The following ARHGAP32 variants were observed in gnomAD, a reference collection of about 807,000 sequenced individuals.
The protein encoded by ARHGAP32 is rho GTPase-activating protein 32.
Under a neutral mutation model 186.5 loss-of-function variants are expected in ARHGAP32, and 51 were observed. The observed-to-expected ratio is 0.27, with a 90% CI of 0.22 to 0.35. ARHGAP32 has a LOEUF of 0.35. ARHGAP32 is among the 10% of genes least tolerant of loss of function. ARHGAP32 has a pLI of 1.00. For missense variants in ARHGAP32, 2,186 were observed against 2,623.5 expected (o/e 0.83, Z 3.64); for synonymous variants, 950 against 964.3 (o/e 0.99, Z 0.27).
chr11:128,969,491 C>T lies in ARHGAP32; in HGVS notation c.5722G>A (p.Gly1908Arg). The T allele has an allele frequency of 1.2e-6, 2 of 1,614,164 alleles. No individual in the cohort carries two copies. The highest frequency in any genetic ancestry group is 1.1e-5 in the South Asian group (1 of 91,066). ...CCAGCTCCCTGGGGATAAGGGGGCC[C>T]ATTCTTTGACTCACAGAACTGCCTA... Reference protein sequence around the residue: ...SHRQFCESKNGPPYPQGAGQL... With the variant: ...SHRQFCESKNRPPYPQGAGQL... Residue 1908 changes from glycine to arginine, a missense_variant, in exon 23 of 23, where the codon GGG becomes AGG. By Grantham distance (125) the Gly-to-Arg change is moderately radical (BLOSUM62 -2). Transcript: ENST00000682385. The surrounding 1 kb of genome is among the most constrained non-coding windows in gnomAD (Gnocchi z 4.8).
chr11:129,100,266 T>C (rs1014399626), intron 5 of ARHGAP32, among the ~76,000 whole-genome samples: 4 of 152,208 alleles, frequency 2.6e-5, no homozygotes, highest in African/African-American at 9.6e-5. Flanking sequence ...TGCAAGATGG[T>C]CTTGCCCATC....
At chr11:129,136,266 A>G (rs1942934185) in intron 2 of ARHGAP32, among the ~76,000 whole-genome samples, 1 of 152,218 alleles carries the variant, frequency 6.6e-6, no homozygotes. Flanking sequence ...GTAAGATTCT[A>G]TTACACACAG....
At chr11:129,086,799 C>A (rs536928692) in intron 6 of ARHGAP32, among the ~76,000 whole-genome samples, 19 of 135,746 alleles carry the variant, frequency 1.4e-4, no homozygotes, top group South Asian at 2.3e-4. Context: ...CCAGCCTGGG[C>A]GACAGAGTGA....
chr11:129,125,029 A>C, intron 2 of ARHGAP32, 135 bp from the exon 3 acceptor site: 1 of 550,750 alleles, frequency 1.8e-6, no homozygotes. Flanking sequence ...TAATCTTAAA[A>C]TTACTGAGTT....
chr11:129,055,589 TTAGA>T (rs1940217619), intron 10 of ARHGAP32, among the ~76,000 whole-genome samples: 1 of 152,192 alleles, frequency 6.6e-6, no homozygotes, highest in Admixed American at 6.5e-5. Context: ...ACACTGAATA[TTAGA>T]TAGTGATTCA....
At chr11:129,220,586 TA>T (rs1485067552) in intron 1 of ARHGAP32, among the ~76,000 whole-genome samples, 1 of 152,138 alleles carries the variant, frequency 6.6e-6, no homozygotes, top group Non-Finnish European at 1.5e-5. Flanking sequence ...AATAAACACA[TA>T]CCCTCTGATT....
chr11:128,993,613 T>C (rs1946121719), intron 12 of ARHGAP32, among the ~76,000 whole-genome samples: 1 of 151,896 alleles, frequency 6.6e-6, no homozygotes, highest in African/African-American at 2.4e-5. Context: ...TTTAAAATAG[T>C]CTCTATATAT....
chr11:129,104,153 C>T (rs1941983450), intron 5 of ARHGAP32, among the ~76,000 whole-genome samples: 2 of 151,846 alleles, frequency 1.3e-5, no homozygotes, highest in South Asian at 4.2e-4. Flanking sequence ...TTCCCACCAA[C>T]AAAACCTCAC....
intron 1 of ARHGAP32, among the ~76,000 whole-genome samples, chr11:129,188,782 A>G (rs1944216565): frequency 6.6e-6 from 1 of 152,202 alleles, no homozygotes; most frequent in Non-Finnish European, 1.5e-5. Context: ...TGCCTTAATA[A>G]TGGAGATATA....
chr11:129,199,012 G>A (rs1223787140), intron 1 of ARHGAP32, among the ~76,000 whole-genome samples: 1 of 152,208 alleles, frequency 6.6e-6, no homozygotes, highest in Non-Finnish European at 1.5e-5. Context: ...CTATGTTTTA[G>A]CAAAGAGACT....
At chr11:129,151,012 TTAAGG>T (rs1943275455) in intron 2 of ARHGAP32, among the ~76,000 whole-genome samples, 1 of 150,348 alleles carries the variant, frequency 6.7e-6, no homozygotes, top group Admixed American at 6.6e-5. Context: ...TCAACAAAAC[TTAAGG>T]TAAAGGGGTG....
intron 7 of ARHGAP32, among the ~76,000 whole-genome samples, chr11:129,065,367 C>G (rs1369861382): frequency 6.6e-6 from 1 of 151,988 alleles, no homozygotes; most frequent in Non-Finnish European, 1.5e-5. Context: ...TACCATGGTT[C>G]AGCCGATTGG....
chr11:129,249,742 G>T (rs1038625264), intron 1 of ARHGAP32, among the ~76,000 whole-genome samples: 4 of 151,892 alleles, frequency 2.6e-5, no homozygotes, highest in Admixed American at 6.6e-5. Context: ...AGAAACATTT[G>T]ATATCCACCA....
intron 1 of ARHGAP32, among the ~76,000 whole-genome samples, chr11:129,213,732 C>T (rs1459854478): frequency 6.6e-6 from 1 of 151,960 alleles, no homozygotes; most frequent in Non-Finnish European, 1.5e-5. Flanking sequence ...CTACATAAGC[C>T]ATTTTAAAAC....
intron 16 of ARHGAP32, 60 bp from the exon 17 acceptor site, chr11:128,981,621 T>C: frequency 1.3e-6 from 2 of 1,520,896 alleles, no homozygotes; most frequent in Middle Eastern, 3.5e-4. Flanking sequence ...AGGGCCTCTT[T>C]TTTTAAACGT....
At chr11:128,999,347 C>T (rs1321987364) in intron 11 of ARHGAP32, among the ~76,000 whole-genome samples, 1 of 152,184 alleles carries the variant, frequency 6.6e-6, no homozygotes, top group Non-Finnish European at 1.5e-5. Flanking sequence ...GACCGGTTCC[C>T]TGCTCTTGAA....
chr11:129,232,262 G>T (rs1223666786), intron 1 of ARHGAP32, among the ~76,000 whole-genome samples: 1 of 152,074 alleles, frequency 6.6e-6, no homozygotes, highest in African/African-American at 2.4e-5. Context: ...GATGAACTAG[G>T]AAACAGGCAT....
chr11:129,091,807 C>T (rs1194517832), intron 6 of ARHGAP32, among the ~76,000 whole-genome samples: 1 of 152,030 alleles, frequency 6.6e-6, no homozygotes, highest in Non-Finnish European at 1.5e-5. Flanking sequence ...ACACCAACTT[C>T]AGTAATTTGG....
At chr11:129,045,126 G>A (rs897004409) in intron 10 of ARHGAP32, among the ~76,000 whole-genome samples, 1 of 152,176 alleles carries the variant, frequency 6.6e-6, no homozygotes, top group Non-Finnish European at 1.5e-5. Flanking sequence ...TTTATCATAA[G>A]TGTAATATCA....
Sources: allele counts gnomAD v4.1 joint callset (sites outside exome capture counted in the v4.1 genomes callset), GRCh38; gene constraint gnomAD v4.1.1; non-coding constraint Gnocchi (gnomAD v3.1); transcripts MANE v1.5; gene names NCBI Gene and HGNC (gene_info 2026-07-23, HGNC 2026-07-21).